CAST: variants seen among roughly 807,000 people sequenced by gnomAD.
CAST encodes calpastatin.
CAST carries 76 observed loss-of-function variants against 119.6 expected under a neutral mutation model. The ratio of observed to expected loss-of-function variants is 0.64; its 90% CI spans 0.53 to 0.77. The LOEUF (loss-of-function observed/expected upper bound fraction) is 0.77, where lower values mean the gene tolerates loss of function less well. CAST is among the 30% of genes least tolerant of loss of function. The pLI is 0.00. For synonymous variants in CAST, 319 were observed against 331.6 expected (o/e 0.96, Z 0.41); for missense variants, 953 against 946.5 (o/e 1.01, Z -0.09).
intron 1 of CAST, among the ~76,000 whole-genome samples, chr5:96,557,396 T>A (rs1219334961): frequency 2.0e-5 from 3 of 151,992 alleles, no homozygotes; most frequent in African/African-American, 7.2e-5. Flanking sequence ...AATGCTCCAA[T>A]TAAAAGACAC....
the CAST span, among the ~76,000 whole-genome samples, chr5:96,145,244 T>C: frequency 6.6e-6 from 1 of 152,232 alleles, no homozygotes; most frequent in South Asian, 2.1e-4. Flanking sequence ...CTTTTGCAGC[T>C]GTAAACTTTC....
In CAST at chr5:96,729,714, A is replaced by G. The variant is rs761953682; in HGVS notation, c.538A>G (p.Thr180Ala). 2.7e-6 allele frequency: 4 copies of G among 1,462,978 alleles called. No homozygotes were observed. The highest frequency in any genetic ancestry group is 3.8e-6 in the Non-Finnish European group (4 of 1,042,318). The allele number at this position is 1,462,978 out of a possible 1,614,324, so 90.6% of individuals were successfully genotyped here. A position where few individuals can be genotyped will look rare whatever the true frequency, so the allele number is the denominator to read the frequency against. The part of the protein sequence containing the change: ...SAEQQPSEKS[T>A]EPKTKPQDMI... The stretch of plus-strand genomic sequence containing the variant: ...TGAACAGCAGCCATCAGAGAAATCA[A>G]CAGAACCAAAGGTAAATGAAGCAGA... Residue 180 changes from threonine (T) to alanine (A), a missense_variant, in exon 8 of 32, where the codon ACA becomes GCA. By Grantham distance (58) the Thr-to-Ala change is moderately conservative. Transcript: ENST00000675179.
At chr5:96,021,485 G>A in the CAST span, among the ~76,000 whole-genome samples, 8 of 151,502 alleles carry the variant, frequency 5.3e-5, no homozygotes, top group Admixed American at 1.3e-4. Context: ...TCGCTCTGTT[G>A]CCCAGGCTGG....
At chr5:96,483,961 G>A in the CAST span, among the ~76,000 whole-genome samples, 56 of 152,260 alleles carry the variant, frequency 3.7e-4, no homozygotes, top group Admixed American at 9.2e-4. Context: ...CCGCCTATGT[G>A]AACTTCCCAT....
At chr5:96,547,076 C>T (rs186115145) in intron 1 of CAST, among the ~76,000 whole-genome samples, 4 of 152,178 alleles carry the variant, frequency 2.6e-5, no homozygotes. Flanking sequence ...GGCTGGAAAA[C>T]AAGTACTAGA....
the CAST span, among the ~76,000 whole-genome samples, chr5:96,261,089 T>C: frequency 6.6e-6 from 1 of 152,170 alleles, no homozygotes; most frequent in Non-Finnish European, 1.5e-5. Context: ...TAGACACCAA[T>C]AAAGAAAGGC....
chr5:96,260,165 A>C, the CAST span, among the ~76,000 whole-genome samples: 1 of 152,196 alleles, frequency 6.6e-6, no homozygotes, highest in East Asian at 1.9e-4. Context: ...CAGATTAAAA[A>C]AACAACAACA....
the CAST span, among the ~76,000 whole-genome samples, chr5:95,983,325 T>C: frequency 1.3e-5 from 2 of 152,240 alleles, no homozygotes; most frequent in African/African-American, 4.8e-5. Context: ...TTTGTTGTTT[T>C]GTACACTTAC....
chr5:96,037,162 A>G, the CAST span, among the ~76,000 whole-genome samples: 1 of 152,154 alleles, frequency 6.6e-6, no homozygotes, highest in Non-Finnish European at 1.5e-5. Context: ...AAAAGCAATG[A>G]CTTCTTCCCT....
the CAST span, among the ~76,000 whole-genome samples, chr5:96,028,420 A>G: frequency 4.6e-5 from 7 of 152,044 alleles, no homozygotes; most frequent in Middle Eastern, 3.2e-3. Context: ...AATATTATAT[A>G]TTCAATATTC....
At chr5:96,150,986 G>A in the CAST span, among the ~76,000 whole-genome samples, 7 of 152,212 alleles carry the variant, frequency 4.6e-5, no homozygotes, top group African/African-American at 1.7e-4. Flanking sequence ...AAAGATGGGA[G>A]GAGGTGGAGT....
At chr5:96,425,062 A>AAGAAAGAG in the CAST span, among the ~76,000 whole-genome samples, 32 of 142,570 alleles carry the variant, frequency 2.2e-4, no homozygotes, top group Non-Finnish European at 3.6e-4. Context: ...GAAAGAAAGA[A>AAGAAAGAG]AGAAAGAAAG....
At chr5:96,504,528 T>C in the CAST span, among the ~76,000 whole-genome samples, 21 of 149,016 alleles carry the variant, frequency 1.4e-4, no homozygotes, top group Non-Finnish European at 1.9e-4. Context: ...AGAATACTTT[T>C]TTTTTTTTTT....
the CAST span, among the ~76,000 whole-genome samples, chr5:96,176,523 C>T: frequency 3.3e-5 from 5 of 152,070 alleles, no homozygotes; most frequent in African/African-American, 1.2e-4. Context: ...GGTAAGATGC[C>T]AAGTTTTTGA....
At chr5:96,242,332 T>A in the CAST span, among the ~76,000 whole-genome samples, 3 of 152,320 alleles carry the variant, frequency 2.0e-5, no homozygotes, top group African/African-American at 7.2e-5. Context: ...GGTGTGGCTA[T>A]GTTGCTTAGC....
the CAST span, among the ~76,000 whole-genome samples, chr5:96,295,245 G>C: frequency 6.6e-6 from 1 of 152,176 alleles, no homozygotes; most frequent in Non-Finnish European, 1.5e-5. Flanking sequence ...TGGAGATGTA[G>C]TAAAAATGAA....
rs533267395 is a variant in CAST, at chr5:96,571,839, G to C, written c.60+41959G>C. Among the ~76,000 whole-genome samples the C allele has an allele frequency of 1.8e-4, 28 of 152,278 alleles. No homozygotes were observed. The South Asian group carries it at 5.6e-3, about 30-fold the overall frequency. On this transcript the variant is annotated intron_variant, in intron 1 of 11. Transcript: ENST00000505143. Reference sequence around the variant, plus strand: ...TACTTATTGCCTGCCTCCCCAAATGGAATGTGAGTTACATTAGGGTTGGGA... The same window carrying C: ...TACTTATTGCCTGCCTCCCCAAATGCAATGTGAGTTACATTAGGGTTGGGA...
chr5:96,051,038 G>C, the CAST span, among the ~76,000 whole-genome samples: 2 of 152,050 alleles, frequency 1.3e-5, no homozygotes, highest in Non-Finnish European at 2.9e-5. Context: ...TTGGGCCCTT[G>C]GGCCCTATTC....
At chr5:96,665,508 G>T (rs561411330) in intron 1 of CAST, among the ~76,000 whole-genome samples, 28 of 152,096 alleles carry the variant, frequency 1.8e-4, no homozygotes, top group African/African-American at 5.6e-4. Context: ...ACAGTATAGC[G>T]CTAGACCATG....
Sources: allele counts gnomAD v4.1 joint callset (sites outside exome capture counted in the v4.1 genomes callset), GRCh38; gene constraint gnomAD v4.1.1; transcripts MANE v1.5; gene names NCBI Gene and HGNC (gene_info 2026-07-23, HGNC 2026-07-21).